Variants in CAB39 observed in about 807,000 individuals in gnomAD.
CAB39 encodes the protein calcium binding protein 39, also known as calcium-binding protein 39.
Under a neutral mutation model 40.0 loss-of-function variants are expected in CAB39, and 8 were observed. That is an observed-to-expected ratio of 0.20 (90% CI 0.12 to 0.36). The LOEUF (loss-of-function observed/expected upper bound fraction) is 0.36, where lower values mean the gene tolerates loss of function less well. Ranked by LOEUF, CAB39 falls within the 10% of genes least tolerant of loss-of-function variation. The pLI is 1.00. For synonymous variants in CAB39, 156 were observed against 141.6 expected, an observed-to-expected ratio of 1.10 and a Z score of -0.72; for missense variants, 270 against 401.1, an observed-to-expected ratio of 0.67 and a Z score of 2.79.
At chr2:230,794,244 G>C (rs966642495) in intron 4 of CAB39, among the ~76,000 whole-genome samples, 8 of 152,208 alleles carry the variant, frequency 5.3e-5, no homozygotes, top group Non-Finnish European at 1.2e-4. Flanking sequence ...GTGTGAGTCA[G>C]TGCCTGTGTT....
intron 1 of CAB39, among the ~76,000 whole-genome samples, chr2:230,737,585 A>AT (rs1694809145): frequency 6.6e-6 from 1 of 152,204 alleles, no homozygotes; most frequent in South Asian, 2.1e-4. Context: ...TGTCACGAAT[A>AT]TTTTGTTTAG....
intron 1 of CAB39, among the ~76,000 whole-genome samples, chr2:230,726,435 G>C (rs960948739): frequency 2.6e-5 from 4 of 152,054 alleles, no homozygotes; most frequent in Admixed American, 6.6e-5. Flanking sequence ...GACTCCCAAA[G>C]TGCTGGGATT....
chr2:230,743,816 C>A (rs920397229), intron 1 of CAB39, among the ~76,000 whole-genome samples: 1 of 151,580 alleles, frequency 6.6e-6, no homozygotes, highest in Non-Finnish European at 1.5e-5. Flanking sequence ...AAGAAAGAAA[C>A]CTTTTGTCTG....
intron 5 of CAB39, among the ~76,000 whole-genome samples, chr2:230,808,188 G>A (rs769302047): frequency 6.6e-6 from 1 of 151,900 alleles, no homozygotes. Context: ...CTGGGTTCAA[G>A]CGATTCTCCT....
intron 3 of CAB39, among the ~76,000 whole-genome samples, chr2:230,791,863 A>G (rs1012723551): frequency 6.6e-6 from 1 of 152,246 alleles, no homozygotes; most frequent in Non-Finnish European, 1.5e-5. Context: ...TGCGATGCAT[A>G]TATGGTAATG....
intron 2 of CAB39, among the ~76,000 whole-genome samples, chr2:230,785,752 T>C (rs559437512): frequency 1.4e-3 from 220 of 151,922 alleles, no homozygotes; most frequent in Non-Finnish European, 2.6e-3. Context: ...TGGAGTGCAG[T>C]GGTGCAATCA....
At chr2:230,759,109 G>A (rs572568102) in intron 1 of CAB39, among the ~76,000 whole-genome samples, 6 of 152,162 alleles carry the variant, frequency 3.9e-5, no homozygotes, top group Non-Finnish European at 1.5e-5. Context: ...TTTATCCAGC[G>A]AGTTCTTTCA....
intron 3 of CAB39, 37 bp downstream of exon 3, chr2:230,791,073 C>G: frequency 1.4e-6 from 2 of 1,426,974 alleles, no homozygotes; most frequent in Non-Finnish European, 1.9e-6. Flanking sequence ...AAAACAGTAC[C>G]CTGTGCATAA....
chr2:230,735,302 G>T (rs760796010), intron 1 of CAB39, among the ~76,000 whole-genome samples: 6 of 151,454 alleles, frequency 4.0e-5, no homozygotes, highest in South Asian at 2.1e-4. Flanking sequence ...GAGCAGCTGG[G>T]ATTACAGGCA....
At chr2:230,801,277 C>T (rs1696084924) in intron 5 of CAB39, among the ~76,000 whole-genome samples, 1 of 152,312 alleles carries the variant, frequency 6.6e-6, no homozygotes. Context: ...CCTTCCTACT[C>T]CTCCCTGAAA....
intron 1 of CAB39, among the ~76,000 whole-genome samples, chr2:230,739,934 C>T (rs1381523619): frequency 6.6e-6 from 1 of 152,156 alleles, no homozygotes; most frequent in Non-Finnish European, 1.5e-5. Flanking sequence ...ACTGCAAGTT[C>T]GATCTTATCA....
At chr2:230,811,181 T>C (rs567153959) in intron 6 of CAB39, among the ~76,000 whole-genome samples, 1 of 152,366 alleles carries the variant, frequency 6.6e-6, no homozygotes, top group African/African-American at 2.4e-5. Context: ...ATTTTAATTT[T>C]TCCACTACTC....
At chr2:230,809,902 T>G (rs1475650342) in intron 5 of CAB39, among the ~76,000 whole-genome samples, 1 of 152,244 alleles carries the variant, frequency 6.6e-6, no homozygotes, top group East Asian at 1.9e-4. Flanking sequence ...AGTTTACCAC[T>G]ACTGTTAGCT....
chr2:230,807,960 C>CT (rs1456451527), intron 5 of CAB39, among the ~76,000 whole-genome samples: 1 of 152,178 alleles, frequency 6.6e-6, no homozygotes. Flanking sequence ...GCAACACTGT[C>CT]TGACAGGGAT....
intron 2 of CAB39, among the ~76,000 whole-genome samples, chr2:230,765,493 G>C (rs1001660167): frequency 6.6e-6 from 1 of 152,126 alleles, no homozygotes; most frequent in African/African-American, 2.4e-5. Flanking sequence ...TAGTTAAAAG[G>C]CTGTGTATGA....
chr2:230,716,717 T>C (rs1328113681), intron 1 of CAB39, among the ~76,000 whole-genome samples: 1 of 152,156 alleles, frequency 6.6e-6, no homozygotes, highest in Admixed American at 6.5e-5. Flanking sequence ...TTTTAAAAGG[T>C]CAGGCCGAGC....
chr2:230,773,296 G>GTGTGTA (rs1695521021), intron 2 of CAB39, among the ~76,000 whole-genome samples: 1 of 99,738 alleles, frequency 1.0e-5, no homozygotes, highest in African/African-American at 6.2e-5. Flanking sequence ...ATGGGTGTAT[G>GTGTGTA]TGTATATATA....
At chr2:230,807,120 C>T (rs1406570866) in intron 5 of CAB39, among the ~76,000 whole-genome samples, 2 of 152,198 alleles carry the variant, frequency 1.3e-5, no homozygotes, top group Non-Finnish European at 2.9e-5. Flanking sequence ...ACTGACCTAG[C>T]AACTCTGCTG....
intron 1 of CAB39, among the ~76,000 whole-genome samples, chr2:230,748,823 AAAAAAAAAAT>A (rs1335809231): frequency 1.2e-3 from 70 of 59,180 alleles, no homozygotes; most frequent in African/African-American, 4.5e-3. Context: ...GAAAAAAAAA[AAAAAAAAAAT>A]ATATATATAT....
Sources: gnomAD v4.1 joint callset for allele counts (sites outside exome capture counted in the v4.1 genomes callset) on GRCh38, gnomAD v4.1.1 for gene constraint, MANE v1.5 for transcripts, NCBI Gene and HGNC (gene_info 2026-07-23, HGNC 2026-07-21) for gene names.